TMEM117: variants seen among roughly 807,000 people sequenced by gnomAD.
The protein encoded by TMEM117 is transmembrane protein 117.
In TMEM117, 27 loss-of-function variants were observed where a neutral mutation model predicts 52.4. That is an observed-to-expected ratio of 0.51 (90% confidence interval 0.38 to 0.71). The LOEUF (loss-of-function observed/expected upper bound fraction) is 0.71. TMEM117 is among the 30% of genes least tolerant of loss of function. The pLI, the probability that TMEM117 is intolerant of heterozygous loss-of-function variation, is 0.00. For missense variants in TMEM117, 556 were observed against 630.5 expected, an observed-to-expected ratio of 0.88 and a Z score of 1.26; for synonymous variants, 215 against 206.3, an observed-to-expected ratio of 1.04 and a Z score of -0.36.
intron 3 of TMEM117, among the ~76,000 whole-genome samples, chr12:43,995,203 G>GGAGCTTGCAGTGAGCC (rs1162311676): frequency 6.6e-6 from 1 of 151,786 alleles, no homozygotes; most frequent in Admixed American, 6.6e-5. Context: ...CCCGGGAGGC[G>GGAGCTTGCAGTGAGCC]GAGCTTGCAG....
At chr12:44,174,037 A>G (rs924460597) in intron 4 of TMEM117, among the ~76,000 whole-genome samples, 1 of 152,166 alleles carries the variant, frequency 6.6e-6, no homozygotes, top group Admixed American at 6.5e-5. Flanking sequence ...ACTTTTTTTT[A>G]AAGTTTTTAA....
intron 5 of TMEM117, among the ~76,000 whole-genome samples, chr12:44,280,741 T>G (rs1950567117): frequency 6.6e-6 from 1 of 151,692 alleles, no homozygotes; most frequent in Admixed American, 6.6e-5. Context: ...TACATGACAA[T>G]ATAACTTTCA....
At chr12:43,876,070 G>T (rs1943790204) in intron 2 of TMEM117, among the ~76,000 whole-genome samples, 1 of 152,154 alleles carries the variant, frequency 6.6e-6, no homozygotes, top group Non-Finnish European at 1.5e-5. Flanking sequence ...TCTCCTCCAA[G>T]ATGTCATCTG....
intron 2 of TMEM117, among the ~76,000 whole-genome samples, chr12:43,932,764 A>G (rs1944891744): frequency 6.6e-6 from 1 of 152,238 alleles, no homozygotes; most frequent in African/African-American, 2.4e-5. Context: ...GTATCTTATG[A>G]ATTATTAATA....
chr12:44,227,191 T>C (rs1949873299), intron 5 of TMEM117, among the ~76,000 whole-genome samples: 1 of 152,146 alleles, frequency 6.6e-6, no homozygotes, highest in Non-Finnish European at 1.5e-5. Context: ...CTGGGAACTT[T>C]ATTATTTGCA....
chr12:43,798,077 G>T, the TMEM117 span, among the ~76,000 whole-genome samples: 1 of 152,144 alleles, frequency 6.6e-6, no homozygotes, highest in East Asian at 1.9e-4. Context: ...GGTTTGGGTG[G>T]GTTTGTTTTT....
At chr12:43,962,097 A>G (rs948140569) in intron 3 of TMEM117, among the ~76,000 whole-genome samples, 2 of 152,194 alleles carry the variant, frequency 1.3e-5, no homozygotes, top group African/African-American at 4.8e-5. Flanking sequence ...TGACAGTACA[A>G]CTGTTATACA....
At chr12:43,902,230 G>A (rs73098870) in intron 2 of TMEM117, among the ~76,000 whole-genome samples, 5,880 of 152,232 alleles carry the variant, frequency 0.039, 144 homozygotes, top group Middle Eastern at 0.088. Context: ...TTGGGACCAA[G>A]GCATAACTAT....
At chr12:44,079,848 T>C (rs1947451510) in intron 3 of TMEM117, among the ~76,000 whole-genome samples, 1 of 151,626 alleles carries the variant, frequency 6.6e-6, no homozygotes, top group Non-Finnish European at 1.5e-5. Context: ...AAACCTCATC[T>C]CTACTAAAAA....
At chr12:43,854,711 A>T (rs1463608478) in intron 2 of TMEM117, among the ~76,000 whole-genome samples, 1 of 152,014 alleles carries the variant, frequency 6.6e-6, no homozygotes. Context: ...ATCTCGGCTC[A>T]CTGCAACCTC....
intron 5 of TMEM117, among the ~76,000 whole-genome samples, chr12:44,299,134 T>G (rs1463238034): frequency 2.0e-5 from 3 of 147,940 alleles, no homozygotes; most frequent in African/African-American, 7.7e-5. Flanking sequence ...TTTAATTTTT[T>G]TTTTTTTTTT....
chr12:44,266,816 T>C (rs1286331462), intron 5 of TMEM117, among the ~76,000 whole-genome samples: 2 of 152,154 alleles, frequency 1.3e-5, no homozygotes, highest in African/African-American at 4.8e-5. Context: ...TCTAACTTCA[T>C]TATTTTGCAT....
At chr12:44,168,236 G>C (rs542349415) in intron 4 of TMEM117, among the ~76,000 whole-genome samples, 1 of 147,556 alleles carries the variant, frequency 6.8e-6, no homozygotes, top group Non-Finnish European at 1.5e-5. Flanking sequence ...CTGAGCAACA[G>C]AGTGAGACCC....
intron 5 of TMEM117, among the ~76,000 whole-genome samples, chr12:44,244,804 T>A (rs1431312265): frequency 2.0e-5 from 3 of 152,072 alleles, no homozygotes; most frequent in Non-Finnish European, 4.4e-5. Context: ...AGTGTTTTCT[T>A]CTAATTATTT....
chr12:44,230,698 A>G (rs1470115698), intron 5 of TMEM117, among the ~76,000 whole-genome samples: 3 of 152,066 alleles, frequency 2.0e-5, no homozygotes, highest in South Asian at 2.1e-4. Flanking sequence ...CTGTGCTCTT[A>G]TAACTTCCAA....
chr12:43,812,730 G>T, the TMEM117 span, among the ~76,000 whole-genome samples: 7 of 152,004 alleles, frequency 4.6e-5, no homozygotes, highest in Non-Finnish European at 1.0e-4. Context: ...CCGAGGTCGG[G>T]TGCGGTGGCT....
In TMEM117 at chr12:43,844,637, T is replaced by C. The variant is rs1943169096; in HGVS notation, c.-15T>C. 1.2e-6 allele frequency: 2 copies of C among 1,609,102 alleles called. No individual in the cohort carries two copies. Among genetic ancestry groups the C allele is most frequent in the Non-Finnish European group, 1.7e-6 (2 of 1,178,076 alleles). ...TTTCTTATACAGGTAAACTACGAAC[T>C]GGGAGTTCTGAAGAATGGGTAAAGA... On this transcript the variant is annotated 5_prime_UTR_variant, in exon 2 of 8. Transcript: ENST00000266534.
intron 7 of TMEM117, among the ~76,000 whole-genome samples, chr12:44,385,477 T>G (rs1006495643): frequency 6.6e-6 from 1 of 152,164 alleles, no homozygotes; most frequent in Admixed American, 6.6e-5. Flanking sequence ...GACTTGAGCT[T>G]GTAGTTCTAG....
At chr12:44,384,778 G>A (rs74085155) in intron 7 of TMEM117, among the ~76,000 whole-genome samples, 5,474 of 151,684 alleles carry the variant, frequency 0.036, 321 homozygotes, top group African/African-American at 0.12. Flanking sequence ...CCTCTATTCC[G>A]TCACCAAGAT....
Sources: allele counts gnomAD v4.1 joint callset (sites outside exome capture counted in the v4.1 genomes callset), GRCh38; gene constraint gnomAD v4.1.1; transcripts MANE v1.5; gene names NCBI Gene and HGNC (gene_info 2026-07-23, HGNC 2026-07-21).